Variants in SHANK2 observed in about 807,000 individuals in gnomAD.
SHANK2 encodes SH3 and multiple ankyrin repeat domains protein 2.
In SHANK2, 43 loss-of-function variants were observed where a neutral mutation model predicts 133.7. That is an observed-to-expected ratio of 0.32 (90% CI 0.25 to 0.41). SHANK2 has a LOEUF of 0.41. Ranked by LOEUF, SHANK2 falls within the 10% of genes least tolerant of loss-of-function variation. The probability of loss-of-function intolerance (pLI) is 1.00; values close to 1 mark genes in which losing one functional copy is unlikely to be tolerated. For missense variants in SHANK2, 1,994 were observed against 2,235.8 expected, an observed-to-expected ratio of 0.89 and a Z score of 2.18; for synonymous variants, 1,017 against 952.8, an observed-to-expected ratio of 1.07 and a Z score of -1.24.
Position 70,520,586 on chromosome 11 carries a change from G to T in SHANK2, c.2062-17655C>A, listed in dbSNP as rs116506069. On this transcript the variant is annotated intron_variant, in intron 17 of 25. Coordinates refer to ENST00000601538, the MANE Select transcript of SHANK2 (RefSeq NM_012309.5). ...AAGGGAGGGCTCACTGGGCTCCCCC[G>T]CTGTGAAGTTACTCTCCTTTCCCTA... Among the ~76,000 whole-genome samples the T allele has an allele frequency of 5.5e-3, 833 of 152,156 alleles. 13 individuals carry two copies. The highest frequency in any genetic ancestry group is 0.019 in the African/African-American group (797 of 41,508).
intron 14 of SHANK2, among the ~76,000 whole-genome samples, chr11:70,763,860 T>C (rs1947048186): frequency 6.6e-6 from 1 of 152,184 alleles, no homozygotes; most frequent in Non-Finnish European, 1.5e-5. Context: ...CCTGGGCCTC[T>C]GGGCACACTG....
intron 2 of SHANK2, among the ~76,000 whole-genome samples, chr11:71,152,261 T>C (rs1952812840): frequency 6.6e-6 from 1 of 152,276 alleles, no homozygotes; most frequent in Non-Finnish European, 1.5e-5. Flanking sequence ...TACAGATACC[T>C]GCCACCATGC....
At chr11:70,789,220 G>A (rs1947733557) in intron 14 of SHANK2, among the ~76,000 whole-genome samples, 1 of 152,110 alleles carries the variant, frequency 6.6e-6, no homozygotes, top group Admixed American at 6.5e-5. Context: ...GGATCATAAA[G>A]GCACCTCCCA....
At position 71,204,107 on chromosome 11, in the gene SHANK2, G is replaced by A. The variant is rs1340744224; in HGVS notation, c.-13+20590C>T. Among the ~76,000 whole-genome samples the A allele has an allele frequency of 2.0e-5, 3 of 152,320 alleles. No homozygotes were observed. In the East Asian group the frequency reaches 5.8e-4, roughly 29 times the overall value. ...GAATCAGTGAACCTGGATGGGGGTG[G>A]CCTTGGGGAGCCCTGAACACAGCTG... On this transcript the variant is annotated intron_variant, in intron 2 of 25. Transcript: ENST00000601538.
intron 17 of SHANK2, among the ~76,000 whole-genome samples, chr11:70,574,698 T>C (rs2060093573): frequency 1.3e-5 from 2 of 152,142 alleles, no homozygotes; most frequent in South Asian, 4.1e-4. Context: ...GGATCCACCC[T>C]GTGCACTGGG....
At chr11:71,105,169 C>T (rs369037301) in intron 6 of SHANK2, among the ~76,000 whole-genome samples, 1 of 152,174 alleles carries the variant, frequency 6.6e-6, no homozygotes, top group Admixed American at 6.5e-5. Flanking sequence ...CGCTTCCAAG[C>T]TGTGAAAGGG....
chr11:71,059,887 C>T (rs947817833), intron 9 of SHANK2, among the ~76,000 whole-genome samples: 8 of 152,144 alleles, frequency 5.3e-5, no homozygotes, highest in Admixed American at 1.3e-4. Flanking sequence ...CCTCAAGCCC[C>T]ACTGAGGCCG....
intron 17 of SHANK2, among the ~76,000 whole-genome samples, chr11:70,533,224 A>T (rs908680527): frequency 6.6e-6 from 1 of 152,014 alleles, no homozygotes; most frequent in Non-Finnish European, 1.5e-5. Flanking sequence ...TTGAATGGTG[A>T]ATTTTATGTG....
intron 17 of SHANK2, among the ~76,000 whole-genome samples, chr11:70,601,656 A>G (rs2060499502): frequency 6.6e-6 from 1 of 152,162 alleles, no homozygotes; most frequent in South Asian, 2.1e-4. Context: ...CCGGCCAGTA[A>G]AGAGAATATA....
intron 17 of SHANK2, among the ~76,000 whole-genome samples, chr11:70,542,670 C>G (rs782110210): frequency 1.3e-5 from 2 of 152,190 alleles, no homozygotes; most frequent in Non-Finnish European, 2.9e-5. Flanking sequence ...AACCCAACAG[C>G]CCAGGAAGGT....
chr11:70,802,340 C>T (rs1948064009), intron 13 of SHANK2, among the ~76,000 whole-genome samples: 1 of 152,192 alleles, frequency 6.6e-6, no homozygotes, highest in South Asian at 2.1e-4. Context: ...GGGCCGCTCC[C>T]TGCCTCAGCA....
At chr11:71,187,272 T>C (rs1591000919) in intron 2 of SHANK2, among the ~76,000 whole-genome samples, 1 of 152,242 alleles carries the variant, frequency 6.6e-6, no homozygotes, top group East Asian at 1.9e-4. Context: ...GGGGTAGATA[T>C]TGCTCAGGAA....
chr11:70,573,995 C>T (rs539735398), intron 17 of SHANK2, among the ~76,000 whole-genome samples: 11 of 152,172 alleles, frequency 7.2e-5, no homozygotes, highest in Non-Finnish European at 1.2e-4. Flanking sequence ...ATGCACCTGG[C>T]CCCCAGCCCG....
chr11:71,102,478 G>A (rs1951731565), intron 6 of SHANK2, among the ~76,000 whole-genome samples: 2 of 152,130 alleles, frequency 1.3e-5, no homozygotes, highest in African/African-American at 4.8e-5. Flanking sequence ...TGCAGGGCCC[G>A]GGACTGAGCA....
At chr11:70,685,254 T>A (rs982231289) in intron 15 of SHANK2, among the ~76,000 whole-genome samples, 9 of 152,126 alleles carry the variant, frequency 5.9e-5, no homozygotes, top group African/African-American at 1.7e-4. Context: ...GCTTTTGAAC[T>A]CGCTTTTTCC....
intron 17 of SHANK2, among the ~76,000 whole-genome samples, chr11:70,533,113 T>A (rs1591545469): frequency 3.9e-5 from 6 of 152,168 alleles, no homozygotes; most frequent in Admixed American, 3.9e-4. Flanking sequence ...GGGACGGCCC[T>A]TGGGGACGGG....
chr11:71,180,787 C>T (rs189459757), intron 2 of SHANK2, among the ~76,000 whole-genome samples: 162 of 152,132 alleles, frequency 1.1e-3, no homozygotes, highest in African/African-American at 3.5e-3. Flanking sequence ...CCAAGAAGGA[C>T]GGAATTTTTA....
chr11:70,752,338 A>G (rs928892549), intron 14 of SHANK2, among the ~76,000 whole-genome samples: 18 of 152,240 alleles, frequency 1.2e-4, no homozygotes, highest in Admixed American at 7.2e-4. Context: ...ATAAGAAGAA[A>G]GCCAGAGTGG....
chr11:71,244,588 G>A (rs894765519), intron 1 of SHANK2, among the ~76,000 whole-genome samples: 3 of 152,206 alleles, frequency 2.0e-5, no homozygotes, highest in Non-Finnish European at 4.4e-5. Context: ...TACAAAACTT[G>A]TGATATTGCA....
Sources: allele counts gnomAD v4.1 joint callset (sites outside exome capture counted in the v4.1 genomes callset), GRCh38; gene constraint gnomAD v4.1.1; transcripts MANE v1.5; gene names NCBI Gene and HGNC (gene_info 2026-07-23, HGNC 2026-07-21).